The following AARSD1 variants were observed in gnomAD, a reference collection of about 807,000 sequenced individuals.
AARSD1 encodes alanyl-tRNA editing protein Aarsd1.
A neutral mutation model predicts 48.7 loss-of-function variants in AARSD1; 44 were observed. The observed-to-expected ratio is 0.90, with a 90% CI of 0.71 to 1.16. AARSD1 has a LOEUF of 1.16. Among genes scored for constraint, AARSD1 ranks in the 50% most tolerant of loss-of-function variants. AARSD1 has a pLI of 0.00. For synonymous variants in AARSD1, 189 were observed against 194.9 expected (o/e 0.97, Z 0.25); for missense variants, 511 against 523.1 (o/e 0.98, Z 0.23).
rs1009357799 is a variant in AARSD1 at position 42,957,052 on chromosome 17, C to T, written c.389+86G>A. The T allele has an allele frequency of 2.6e-5, 40 of 1,563,328 alleles. No homozygotes were observed. In the South Asian group the frequency reaches 3.4e-4, roughly 13 times the overall value. ...CACAGCTCACCACAGCCTTAATCTC[C>T]CCGGCTCAAGCAATTCTCCCACCTC... On this transcript the variant is annotated intron_variant, in intron 4 of 11. Coordinates refer to ENST00000427569, the MANE Select transcript of AARSD1 (RefSeq NM_001261434.2).
intron 9 of AARSD1, among the ~76,000 whole-genome samples, chr17:42,954,331 C>T (rs1254232952): frequency 2.0e-5 from 3 of 152,030 alleles, no homozygotes; most frequent in African/African-American, 7.2e-5. Context: ...ACTCCAGACA[C>T]ACTAAGACTC....
intron 2 of AARSD1, among the ~76,000 whole-genome samples, chr17:42,961,837 T>G (rs2049641365): frequency 6.6e-6 from 1 of 151,986 alleles, no homozygotes; most frequent in Non-Finnish European, 1.5e-5. Context: ...GACAACACAG[T>G]GAGACCCCAC....
intron 3 of AARSD1, chr17:42,957,449 T>C (rs2049573727): frequency 3.7e-6 from 1 of 273,598 alleles, no homozygotes; most frequent in Non-Finnish European, 6.9e-6. Flanking sequence ...ATGTAACTTA[T>C]AAGGGGCTGG....
chr17:42,956,828 C>T (rs1276161232), intron 4 of AARSD1, among the ~76,000 whole-genome samples: 9 of 148,646 alleles, frequency 6.1e-5, no homozygotes, highest in African/African-American at 2.0e-4. Context: ...CCACCACGCC[C>T]GGCTAATTTT....
intron 9 of AARSD1, chr17:42,954,124 T>C (rs56041224): frequency 0.2 from 43,191 of 214,590 alleles, 4,459 homozygotes; most frequent in South Asian, 0.23. Context: ...GAGGCCAAGG[T>C]GGGCAGATTG....
Position 42,953,750 on chromosome 17 carries a change from T to C in AARSD1, c.982A>G (p.Ile328Val), listed in dbSNP as rs1429770217. The C allele has an allele frequency of 6.2e-7, 1 of 1,614,056 alleles. No homozygotes were observed. The highest frequency in any genetic ancestry group is 8.5e-7 in the Non-Finnish European group (1 of 1,180,032). ...RKEGDSEFMN[I>V]IANEIGSEET... ...TCTGACCCAATCTCATTGGCAATGATATTCATGAACTCTGAATCACCCTCC... is the reference window on the plus strand; with the variant it reads ...TCTGACCCAATCTCATTGGCAATGACATTCATGAACTCTGAATCACCCTCC... Residue 328 changes from isoleucine (I) to valine (V), a missense_variant, in exon 10 of 12, where the codon ATC becomes GTC. Transcript: ENST00000427569.
intron 3 of AARSD1, 36 bp downstream of exon 3, chr17:42,961,156 C>A: frequency 6.3e-7 from 1 of 1,580,076 alleles, no homozygotes; most frequent in Non-Finnish European, 8.6e-7. Flanking sequence ...TACATGGCAA[C>A]TGCTCCGGTG....
Position 42,956,473 on chromosome 17 carries a change from A to C in AARSD1, c.477T>G (p.Asn159Lys). ...EQVAAIEQSV[N>K]EKIRDRLPVN... Reference sequence around the variant, plus strand: ...CAGGCAGCCGATCTCTGATTTTTTCATTGACGCTCTGCTCAATGGCAGCTA... The same window carrying C: ...CAGGCAGCCGATCTCTGATTTTTTCCTTGACGCTCTGCTCAATGGCAGCTA... The change falls in exon 5 of 12, where the codon AAT becomes AAG. Residue 159 changes from asparagine (N) to lysine (K), a missense_variant. Coordinates refer to ENST00000427569, the MANE Select transcript of AARSD1 (RefSeq NM_001261434.2). The C allele has an allele frequency of 6.2e-7, 1 of 1,613,858 alleles. No individual in the cohort carries two copies. The highest frequency in any genetic ancestry group is 8.5e-7 in the Non-Finnish European group (1 of 1,179,980).
intron 3 of AARSD1, among the ~76,000 whole-genome samples, chr17:42,958,626 A>G (rs2049590160): frequency 6.7e-6 from 1 of 150,092 alleles, no homozygotes; most frequent in East Asian, 2.0e-4. Context: ...GCTGGAGTGC[A>G]GTGGTGCAAT....
At chr17:42,959,861 A>G (rs1162368693) in intron 3 of AARSD1, among the ~76,000 whole-genome samples, 2 of 150,626 alleles carry the variant, frequency 1.3e-5, no homozygotes, top group African/African-American at 4.9e-5. Context: ...ACAGGGTTTC[A>G]TCATGTTGGC....
rs1457669288 is a variant in AARSD1, at chr17:42,955,478, G to A, written c.795-254C>T. The A allele has an allele frequency of 9.4e-6, 4 of 423,390 alleles. No homozygotes were observed. The East Asian group carries it at 1.5e-4, about 16-fold the overall frequency. 26.2% of individuals were successfully genotyped at this position (423,390 alleles called of 1,614,324 possible). On this transcript the variant is annotated intron_variant, in intron 7 of 11. Transcript: ENST00000427569. ...TTTTGAGACAGAGTCTTGCTCTATC[G>A]CCCAGGCTGGAGTGCAGTGGAACGA...
intron 10 of AARSD1, among the ~76,000 whole-genome samples, chr17:42,953,108 T>C (rs1300721604): frequency 6.6e-6 from 1 of 151,846 alleles, no homozygotes; most frequent in African/African-American, 2.4e-5. Context: ...GCCTCCCGAG[T>C]AGCTGGGATT....
chr17:42,957,066 T>A, intron 4 of AARSD1, 72 bp downstream of exon 4: 1 of 1,551,018 alleles, frequency 6.4e-7, no homozygotes, highest in Non-Finnish European at 8.8e-7. Flanking sequence ...GCTCAAGCAA[T>A]TCTCCCACCT....
intron 6 of AARSD1, 38 bp from the exon 7 acceptor site, chr17:42,956,010 T>A (rs775892187): frequency 6.2e-6 from 10 of 1,613,132 alleles, no homozygotes; most frequent in Non-Finnish European, 8.5e-6. Flanking sequence ...CACACACGTG[T>A]GCACATGCAT....
intron 5 of AARSD1, 21 bp from the exon 6 acceptor site, chr17:42,956,341 G>A: frequency 6.2e-7 from 1 of 1,614,160 alleles, no homozygotes; most frequent in Non-Finnish European, 8.5e-7. Flanking sequence ...GGAGAGGGGA[G>A]GGACTGTCTG....
chr17:42,959,053 C>T (rs1056012698), intron 3 of AARSD1, among the ~76,000 whole-genome samples: 6 of 147,768 alleles, frequency 4.1e-5, no homozygotes, highest in Admixed American at 2.7e-4. Context: ...AAAAATTAGC[C>T]GGATGTGGTG....
chr17:42,951,647 A>G (rs2049479984), intron 11 of AARSD1, among the ~76,000 whole-genome samples, 153 bp downstream of exon 11: 1 of 152,230 alleles, frequency 6.6e-6, no homozygotes, highest in Non-Finnish European at 1.5e-5. Flanking sequence ...TGGAAATGAC[A>G]GTAGTAATAA....
chr17:42,952,316 G>A (rs528607426), intron 10 of AARSD1, among the ~76,000 whole-genome samples: 1 of 152,032 alleles, frequency 6.6e-6, no homozygotes, highest in Non-Finnish European at 1.5e-5. Context: ...CTATCCTTCA[G>A]GTAATGTGCT....
At chr17:42,959,509 T>C (rs758856210) in intron 3 of AARSD1, among the ~76,000 whole-genome samples, 19 of 151,926 alleles carry the variant, frequency 1.3e-4, no homozygotes, top group Non-Finnish European at 2.5e-4. Context: ...ATTACAGGCG[T>C]GAGCCATCGC....
Sources: allele counts gnomAD v4.1 joint callset (sites outside exome capture counted in the v4.1 genomes callset), GRCh38; gene constraint gnomAD v4.1.1; transcripts MANE v1.5; gene names NCBI Gene and HGNC (gene_info 2026-07-23, HGNC 2026-07-21).